ATP2B4: variants seen among roughly 807,000 people sequenced by gnomAD.
ATP2B4 encodes ATPase plasma membrane Ca2+ transporting 4, also known as plasma membrane calcium-transporting ATPase 4.
In ATP2B4, 39 loss-of-function variants were observed where a neutral mutation model predicts 110.3. That is an observed-to-expected ratio of 0.35 (90% confidence interval 0.27 to 0.46). The LOEUF is 0.46. Among genes scored for constraint, ATP2B4 ranks in the 20% least tolerant of loss-of-function variants. ATP2B4 has a pLI of 1.00. For missense variants in ATP2B4, 1,135 were observed against 1,530.9 expected (o/e 0.74, Z 4.32); for synonymous variants, 538 against 571.7 (o/e 0.94, Z 0.84).
intron 1 of ATP2B4, among the ~76,000 whole-genome samples, chr1:203,633,427 T>A (rs896783225): frequency 6.6e-5 from 10 of 152,048 alleles, no homozygotes; most frequent in Non-Finnish European, 5.9e-5. Flanking sequence ...GACACTGCAC[T>A]CTAGAATGGG....
At chr1:203,653,321 C>T (rs1248315725) in intron 1 of ATP2B4, among the ~76,000 whole-genome samples, 5 of 152,178 alleles carry the variant, frequency 3.3e-5, no homozygotes, top group Admixed American at 1.3e-4. Context: ...TGAGGTTTAA[C>T]GAGAGAAGCT....
Position 203,708,079 on chromosome 1 carries a change from A to G in ATP2B4, c.1532A>G (p.Asn511Ser), listed in dbSNP as rs1424540182. 6.2e-7 allele frequency: 1 copy of G among 1,614,190 alleles called. No homozygotes were observed. The highest frequency in any genetic ancestry group is 8.5e-7 in the Non-Finnish European group (1 of 1,180,042). Residue 511 changes from asparagine to serine, a missense_variant, in exon 10 of 21, where the codon AAC becomes AGC. Physicochemically the swap from Asn to Ser is conservative, Grantham distance 46. Coordinates refer to ENST00000357681, the MANE Select transcript of ATP2B4 (RefSeq NM_001684.5). ...CTCATTGTCAATGGCATTTCTATCA[A>G]CAGTGCTTATACCTCCAAGATTCTG... ...LDLIVNGISI[N>S]SAYTSKILPP... is the part of the protein sequence containing the mutation.
At chr1:203,653,344 T>C (rs1309892004) in intron 1 of ATP2B4, among the ~76,000 whole-genome samples, 2 of 152,188 alleles carry the variant, frequency 1.3e-5, no homozygotes. Flanking sequence ...CTCCACAACG[T>C]AAAGGTGAAG....
At position 203,683,232 on chromosome 1, in the gene ATP2B4, G is replaced by A; in HGVS notation, c.27G>A (p.Leu9=). Residue 9 remains leucine, a synonymous_variant, in exon 2 of 21, where the codon TTG becomes TTA. Transcript: ENST00000357681. ...TGACGAACCCATCAGACCGTGTCTT[G>A]CCTGCCAACTCGATGGCCGAGAGCC... The part of the protein sequence containing the change: MTNPSDRV[L]PANSMAESRE... The A allele has an allele frequency of 1.2e-6, 2 of 1,614,146 alleles. No individual in the cohort carries two copies. Among genetic ancestry groups the A allele is most frequent in the Middle Eastern group, 1.7e-4 (1 of 6,058 alleles).
At chr1:203,674,177 C>CA (rs1447998341) in intron 1 of ATP2B4, among the ~76,000 whole-genome samples, 1 of 152,148 alleles carries the variant, frequency 6.6e-6, no homozygotes, top group African/African-American at 2.4e-5. Context: ...CCTGAGTGAA[C>CA]GGGGTCAGGA....
At chr1:203,693,184 A>C (rs1165620123) in intron 2 of ATP2B4, among the ~76,000 whole-genome samples, 1 of 152,156 alleles carries the variant, frequency 6.6e-6, no homozygotes, top group Non-Finnish European at 1.5e-5. Context: ...AGGCTGGACA[A>C]GTATTTGTGT....
chr1:203,678,301 C>T (rs72745703), intron 1 of ATP2B4, among the ~76,000 whole-genome samples: 1,691 of 151,558 alleles, frequency 0.011, 15 homozygotes, highest in Non-Finnish European at 0.018. Context: ...TAAAAGATTC[C>T]TTGGACAAAA....
At chr1:203,670,032 G>C (rs571440112) in intron 1 of ATP2B4, among the ~76,000 whole-genome samples, 1 of 152,250 alleles carries the variant, frequency 6.6e-6, no homozygotes, top group African/African-American at 2.4e-5. Context: ...CTGTGGATGC[G>C]AGCCCTTTGG....
chr1:203,720,750 G>GT lies in ATP2B4; in HGVS notation c.2598+11dup. On this transcript the variant is annotated intron_variant, in intron 16 of 20. Coordinates refer to ENST00000357681, the MANE Select transcript of ATP2B4 (RefSeq NM_001684.5). ...AGCCTGTATCACTCAGGTGAAGGGG[G>GT]TGTGGGTGGGCTGAGACGGGAGGGA... 1 of 1,606,518 alleles carries GT rather than the reference G, an allele frequency of 6.2e-7. No homozygotes were observed. The highest frequency in any genetic ancestry group is 8.5e-7 in the Non-Finnish European group (1 of 1,175,578).
chr1:203,660,557 T>G (rs542467974), intron 1 of ATP2B4, among the ~76,000 whole-genome samples: 1 of 152,184 alleles, frequency 6.6e-6, no homozygotes, highest in East Asian at 1.9e-4. Context: ...ATTCCAGCAC[T>G]TTGGGAGACC....
intron 1 of ATP2B4, chr1:203,657,155 C>T (rs910029706): frequency 6.0e-6 from 5 of 827,192 alleles, no homozygotes; most frequent in Non-Finnish European, 1.1e-5. Flanking sequence ...TTCTTCTTTA[C>T]ACCAAGTATT....
At chr1:203,659,637 CTGAG>C (rs1317556590) in intron 1 of ATP2B4, among the ~76,000 whole-genome samples, 5 of 152,166 alleles carry the variant, frequency 3.3e-5, no homozygotes, top group African/African-American at 1.2e-4. Context: ...GCATTCCAGC[CTGAG>C]TAACAGAGCA....
Position 203,667,651 on chromosome 1 carries a change from C to T in ATP2B4, c.-464-15091C>T, listed in dbSNP as rs1309748374. Among the ~76,000 whole-genome samples, 5 of 152,322 alleles carry T rather than the reference C, an allele frequency of 3.3e-5. No individual in the cohort carries two copies. In the East Asian group the frequency reaches 9.6e-4, roughly 29 times the overall value. ...AGCTGCGATGATTAACTGCAGGAGC[C>T]CAGTGGAAGAATTCCACAGCCTTAG... On this transcript the variant is annotated intron_variant, in intron 1 of 20. Coordinates refer to ENST00000357681, the MANE Select transcript of ATP2B4 (RefSeq NM_001684.5).
chr1:203,729,248 T>C (rs1390611311), intron 20 of ATP2B4, among the ~76,000 whole-genome samples: 3 of 151,334 alleles, frequency 2.0e-5, no homozygotes, highest in Non-Finnish European at 2.9e-5. Context: ...AGACAACAAA[T>C]AGAAAAGTGG....
rs1012584510 is a variant in ATP2B4 at position 203,626,893 on chromosome 1, G to C, written c.-791G>C. 1 of 150,990 alleles carries C rather than the reference G, an allele frequency of 6.6e-6. No homozygotes were observed. The allele number at this position is 150,990 out of a possible 1,614,324, so 9.4% of individuals were successfully genotyped here. A position where few individuals can be genotyped will look rare whatever the true frequency, so the allele number is the denominator to read the frequency against. On this transcript the variant is annotated 5_prime_UTR_variant, in exon 1 of 21. Coordinates refer to ENST00000357681, the MANE Select transcript of ATP2B4 (RefSeq NM_001684.5). ...TTAAGAAAGCTCTGCTGTTGAGATC[G>C]TCCAAAGCTGGGGGCTGGGAGGGGG...
intron 1 of ATP2B4, among the ~76,000 whole-genome samples, chr1:203,675,753 T>C (rs557787369): frequency 1.3e-5 from 2 of 152,036 alleles, no homozygotes; most frequent in South Asian, 4.2e-4. Flanking sequence ...AACCAGGAAG[T>C]GGCGTTCTAT....
At chr1:203,714,376 C>A in intron 15 of ATP2B4, 99 bp downstream of exon 15, 1 of 1,282,884 alleles carries the variant, frequency 7.8e-7, no homozygotes, top group Non-Finnish European at 1.1e-6. Context: ...ACCTGCATAG[C>A]CCATGGGGTG....
intron 1 of ATP2B4, among the ~76,000 whole-genome samples, chr1:203,667,575 T>C (rs143222923): frequency 1.7e-4 from 26 of 152,372 alleles, no homozygotes; most frequent in African/African-American, 5.3e-4. Context: ...GATATGTTTG[T>C]CCTTCTTGCT....
At chr1:203,686,005 C>CAA (rs764959663) in intron 2 of ATP2B4, among the ~76,000 whole-genome samples, 223 of 136,540 alleles carry the variant, frequency 1.6e-3, no homozygotes, top group African/African-American at 4.6e-3. Context: ...TTCTTAATCA[C>CAA]AAAAAAAAAA....
Sources: allele counts gnomAD v4.1 joint callset (sites outside exome capture counted in the v4.1 genomes callset), GRCh38; gene constraint gnomAD v4.1.1; transcripts MANE v1.5; gene names NCBI Gene and HGNC (gene_info 2026-07-23, HGNC 2026-07-21).